The following ANKRD26 variants were observed in gnomAD, a reference collection of about 807,000 sequenced individuals.
ANKRD26 encodes the protein ankyrin repeat domain-containing protein 26.
ANKRD26 carries 141 observed loss-of-function variants against 208.7 expected under a neutral mutation model. The ratio of observed to expected loss-of-function variants is 0.68; its 90% CI spans 0.59 to 0.78. The LOEUF (loss-of-function observed/expected upper bound fraction) is 0.78, where lower values mean the gene tolerates loss of function less well. Ranked by LOEUF, ANKRD26 falls within the 30% of genes least tolerant of loss-of-function variation. ANKRD26 has a pLI of 0.00. For missense variants in ANKRD26, 1,889 were observed against 1,938.7 expected, an observed-to-expected ratio of 0.97 and a Z score of 0.48; for synonymous variants, 636 against 660.4, an observed-to-expected ratio of 0.96 and a Z score of 0.57.
the ANKRD26 span, among the ~76,000 whole-genome samples, chr10:26,955,901 C>T: frequency 5.9e-5 from 9 of 152,146 alleles, no homozygotes; most frequent in South Asian, 6.2e-4. Context: ...ATCAAGAGTA[C>T]GTCTTGTAGC....
intron 17 of ANKRD26, among the ~76,000 whole-genome samples, chr10:27,048,241 C>T (rs759819130): frequency 1.2e-4 from 19 of 152,020 alleles, no homozygotes; most frequent in Non-Finnish European, 1.2e-4. Context: ...ATTTGAGAGC[C>T]CAACATTTGG....
chr10:26,961,487 C>T, the ANKRD26 span, among the ~76,000 whole-genome samples: 1 of 152,192 alleles, frequency 6.6e-6, no homozygotes, highest in Non-Finnish European at 1.5e-5. Flanking sequence ...CAGCCACTTG[C>T]TCAATGGGAC....
chr10:27,072,327 A>C (rs186250255), intron 9 of ANKRD26, among the ~76,000 whole-genome samples: 1 of 152,180 alleles, frequency 6.6e-6, no homozygotes, highest in Non-Finnish European at 1.5e-5. Context: ...CCTTCTGTGG[A>C]TTCTTTTGTG....
At chr10:26,981,705 A>C (rs567425230) in intron 4 of ANKRD26, among the ~76,000 whole-genome samples, 1 of 152,348 alleles carries the variant, frequency 6.6e-6, no homozygotes, top group South Asian at 2.1e-4. Flanking sequence ...CAGAGGCTTA[A>C]GCCAACTTAG....
In ANKRD26 at chr10:27,084,595, C is replaced by T. The variant is rs554440255; in HGVS notation, c.710-1762G>A. Among the ~76,000 whole-genome samples the T allele has an allele frequency of 3.9e-5, 6 of 152,198 alleles. No individual in the cohort carries two copies. The South Asian group carries it at 6.2e-4, about 16-fold the overall frequency. On this transcript the variant is annotated intron_variant, in intron 5 of 33. Coordinates refer to ENST00000376087, the MANE Select transcript of ANKRD26 (RefSeq NM_014915.3). The stretch of plus-strand genomic sequence containing the variant: ...ATGGCGAAACATTTCTGGCCAGGTG[C>T]GGTGTCTCAAGCCTGTAATCCCAAT...
At chr10:26,948,662 CAT>C in the ANKRD26 span, among the ~76,000 whole-genome samples, 1,429 of 152,290 alleles carry the variant, frequency 9.4e-3, 22 homozygotes, top group African/African-American at 0.033. Flanking sequence ...TGATAAACCA[CAT>C]GAGTTATTCT....
intron 16 of ANKRD26, 70 bp downstream of exon 16, chr10:27,053,250 T>C: frequency 9.1e-7 from 1 of 1,094,718 alleles, no homozygotes; most frequent in Non-Finnish European, 1.4e-6. Context: ...GTAATTTCAT[T>C]TGGACTATGT....
chr10:26,956,626 T>C, the ANKRD26 span, among the ~76,000 whole-genome samples: 33 of 151,726 alleles, frequency 2.2e-4, no homozygotes, highest in Non-Finnish European at 4.4e-4. Flanking sequence ...AGTGAGCTTG[T>C]GTCTCAAAAA....
chr10:27,058,042 A>G (rs1004903378), intron 15 of ANKRD26, among the ~76,000 whole-genome samples: 1 of 152,210 alleles, frequency 6.6e-6, no homozygotes, highest in African/African-American at 2.4e-5. Context: ...GAGAGTACAC[A>G]GTGCCATGAA....
At chr10:26,996,258 G>C (rs759660208) in intron 4 of ANKRD26, among the ~76,000 whole-genome samples, 1 of 151,900 alleles carries the variant, frequency 6.6e-6, no homozygotes, top group South Asian at 2.1e-4. Context: ...ACCAGCCTGG[G>C]AAATATAGTG....
the ANKRD26 span, among the ~76,000 whole-genome samples, chr10:26,961,497 C>T: frequency 6.6e-6 from 1 of 152,182 alleles, no homozygotes; most frequent in Admixed American, 6.5e-5. Flanking sequence ...CTCAATGGGA[C>T]CATCCTGGGT....
At chr10:27,030,635 T>C in intron 25 of ANKRD26, 1 of 979,668 alleles carries the variant, frequency 1.0e-6, no homozygotes, top group Non-Finnish European at 1.2e-6. Context: ...TAGATTTCTT[T>C]TCAGGGTGAA....
chr10:27,093,935 G>GT, intron 1 of ANKRD26, 136 bp from the exon 2 acceptor site: 1 of 750,572 alleles, frequency 1.3e-6, no homozygotes, highest in Non-Finnish European at 2.2e-6. Flanking sequence ...TCTTGGCTGT[G>GT]TCCCCAACCA....
chr10:27,013,109 T>C lies in ANKRD26; in HGVS notation c.4726A>G (p.Thr1576Ala). 2 of 1,613,370 alleles carry C rather than the reference T, an allele frequency of 1.2e-6. No homozygotes were observed. Among genetic ancestry groups the C allele is most frequent in the Non-Finnish European group, 1.7e-6 (2 of 1,179,444 alleles). The change falls in exon 32 of 34, where the codon ACT becomes GCT. Residue 1576 changes from threonine to alanine, a missense_variant and splice_region_variant. By Grantham distance (58) the Thr-to-Ala change is moderately conservative. Transcript: ENST00000376087. The part of the protein sequence containing the change: ...RKSLSSKLTK[T>A]NERLAEVNTK... Reference sequence around the variant, plus strand: ...TTGACCTCTGCTAGCCTCTCATTAGTTCTGTGAAGATTGCAGAAGACACAT... The same window carrying C: ...TTGACCTCTGCTAGCCTCTCATTAGCTCTGTGAAGATTGCAGAAGACACAT...
intron 5 of ANKRD26, among the ~76,000 whole-genome samples, chr10:26,992,631 C>A (rs759583956): frequency 2.6e-5 from 4 of 152,048 alleles, no homozygotes; most frequent in Admixed American, 6.6e-5. Flanking sequence ...ATTACTCTAG[C>A]CTTTTTGGTT....
At chr10:26,981,619 T>C (rs1048020765) in intron 4 of ANKRD26, among the ~76,000 whole-genome samples, 3 of 152,332 alleles carry the variant, frequency 2.0e-5, no homozygotes, top group African/African-American at 4.8e-5. Flanking sequence ...GACTAAATAT[T>C]TGAATGATTT....
intron 5 of ANKRD26, among the ~76,000 whole-genome samples, chr10:27,084,218 C>CAAAAAAAA (rs1275450082): frequency 4.9e-5 from 4 of 82,406 alleles, no homozygotes; most frequent in Admixed American, 1.4e-4. Flanking sequence ...AACTACATCT[C>CAAAAAAAA]AAAAAAAAAA....
chr10:27,004,329 A>G lies in ANKRD26; in HGVS notation c.*1261T>C, dbSNP rs1426889373. 6.6e-6 allele frequency: 1 copy of G among 151,942 alleles called. No homozygotes were observed. Among genetic ancestry groups the G allele is most frequent in the Non-Finnish European group, 1.5e-5 (1 of 67,996 alleles). The allele number at this position is 151,942 out of a possible 1,614,324, so 9.4% of individuals were successfully genotyped here. ...TTCTTAAAAGAAAAACAAATTTTTA[A>G]TAACAATATTAATGAATTATAACTC... On this transcript the variant is annotated 3_prime_UTR_variant, in exon 34 of 34. Coordinates refer to ENST00000376087, the MANE Select transcript of ANKRD26 (RefSeq NM_014915.3).
intron 32 of ANKRD26, among the ~76,000 whole-genome samples, chr10:27,008,656 C>T (rs542717158): frequency 1.4e-4 from 21 of 152,176 alleles, no homozygotes; most frequent in Non-Finnish European, 2.4e-4. Context: ...AAATTGCTTA[C>T]TCTAATATTG....
Sources: gnomAD v4.1 joint callset for allele counts (sites outside exome capture counted in the v4.1 genomes callset) on GRCh38, gnomAD v4.1.1 for gene constraint, MANE v1.5 for transcripts, NCBI Gene and HGNC (gene_info 2026-07-23, HGNC 2026-07-21) for gene names.